Variants in TRUB1 observed in about 807,000 individuals in gnomAD.
TRUB1 encodes pseudouridylate synthase TRUB1.
In TRUB1, 23 loss-of-function variants were observed where a neutral mutation model predicts 33.9. That is an observed-to-expected ratio of 0.68 (90% CI 0.49 to 0.96). TRUB1 has a LOEUF of 0.96. Among genes scored for constraint, TRUB1 ranks in the 40% least tolerant of loss-of-function variants. The pLI is 0.00. For missense variants in TRUB1, 378 were observed against 422.2 expected (o/e 0.90, Z 0.92); for synonymous variants, 163 against 165.4 (o/e 0.99, Z 0.11).
chr10:114,965,478 T>C (rs1294048872), intron 4 of TRUB1, among the ~76,000 whole-genome samples: 1 of 152,176 alleles, frequency 6.6e-6, no homozygotes, highest in East Asian at 1.9e-4. Flanking sequence ...ATATTTAGTT[T>C]AGGATTTTTG....
chr10:114,975,158 C>G lies in TRUB1; in HGVS notation c.829C>G (p.Arg277Gly), dbSNP rs143535613. ...SSCANVLELT[R>G]TKQGPFTLEE... ...CTGTGCCAATGTGCTAGAGCTGACCCGAACCAAACAGGGACCATTTACGCT... is the reference window on the plus strand; with the variant it reads ...CTGTGCCAATGTGCTAGAGCTGACCGGAACCAAACAGGGACCATTTACGCT... The change falls in exon 8 of 8, where the codon CGA becomes GGA. Residue 277 changes from arginine to glycine, a missense_variant. Arg to Gly is a moderately radical substitution (Grantham distance 125, BLOSUM62 -2). Coordinates refer to ENST00000298746, the MANE Select transcript of TRUB1 (RefSeq NM_139169.5). 6.2e-7 allele frequency: 1 copy of G among 1,613,312 alleles called. No individual in the cohort carries two copies.
intron 2 of TRUB1, among the ~76,000 whole-genome samples, chr10:114,944,855 C>T (rs1289233524): frequency 6.6e-6 from 1 of 151,762 alleles, no homozygotes; most frequent in Non-Finnish European, 1.5e-5. Flanking sequence ...TGTGGTGACA[C>T]ATACCTATAG....
Position 114,970,381 on chromosome 10 carries a change from A to G in TRUB1, c.537A>G (p.Gln179=). Residue 179 remains glutamine, a synonymous_variant, in exon 5 of 8, where the codon CAA becomes CAG. Transcript: ENST00000298746. ...GATTTTTGGCAGATAAAATAACACA[A>G]GAAGATATTGAAGGCATTCTACAGA... ...TEEKPYDKIT[Q]EDIEGILQKF... is the part of the protein sequence containing the mutation. The G allele has an allele frequency of 6.2e-7, 1 of 1,611,720 alleles. No individual in the cohort carries two copies.
At chr10:114,962,002 G>A (rs1324028065) in intron 4 of TRUB1, among the ~76,000 whole-genome samples, 2 of 152,178 alleles carry the variant, frequency 1.3e-5, no homozygotes, top group Non-Finnish European at 2.9e-5. Flanking sequence ...TCAATATGAT[G>A]TAGTAAATGG....
At chr10:114,957,979 A>G (rs1250097714) in intron 3 of TRUB1, among the ~76,000 whole-genome samples, 2 of 152,238 alleles carry the variant, frequency 1.3e-5, no homozygotes, top group Admixed American at 6.5e-5. Flanking sequence ...GAAAATAAAG[A>G]TGATGATGGT....
In TRUB1 at chr10:114,943,954, G is replaced by T. The variant is rs183231605; in HGVS notation, c.385+1211G>T. Among the ~76,000 whole-genome samples, 209 of 148,926 alleles carry T rather than the reference G, an allele frequency of 1.4e-3. 2 individuals are homozygous for T. The highest frequency in any genetic ancestry group is 8.1e-3 in the South Asian group (37 of 4,574). On this transcript the variant is annotated intron_variant, in intron 2 of 7. Transcript: ENST00000298746. ...TATTGCTTGTGAAGGAAAATTGGTA[G>T]AATTGATCGAAGGGAATAAAAATAT...
In TRUB1 at chr10:114,942,682, A is replaced by G; in HGVS notation, c.324A>G (p.Lys108=). Residue 108 remains lysine, a synonymous_variant, in exon 2 of 8, where the codon AAA becomes AAG. Coordinates refer to ENST00000298746, the MANE Select transcript of TRUB1 (RefSeq NM_139169.5). The part of the protein sequence containing the change: ...GMPSPEWTKR[K]KQTLKIGHGG... Reference sequence around the variant, plus strand: ...CTTCTCCAGAATGGACCAAGAGGAAAAAGCAGACTTTGAAAATTGGGCATG... The same window carrying G: ...CTTCTCCAGAATGGACCAAGAGGAAGAAGCAGACTTTGAAAATTGGGCATG... The G allele has an allele frequency of 6.2e-7, 1 of 1,614,130 alleles. No individual in the cohort carries two copies. Among genetic ancestry groups the G allele is most frequent in the Non-Finnish European group, 8.5e-7 (1 of 1,179,992 alleles).
Position 114,938,520 on chromosome 10 carries a change from G to T in TRUB1, c.267G>T (p.Leu89Phe). 6.5e-6 allele frequency: 10 copies of T among 1,545,094 alleles called. No individual in the cohort carries two copies. The highest frequency in any genetic ancestry group is 7.8e-6 in the Non-Finnish European group (9 of 1,149,030). Residue 89 changes from leucine to phenylalanine, a missense_variant, in exon 1 of 8, where the codon TTG (leucine) becomes TTT (phenylalanine). Transcript: ENST00000298746. The stretch of plus-strand genomic sequence containing the variant: ...CTTCAGCCGAGCTGCTGAATCGGTT[G>T]AAGGAGAAGCTGCTGGCAGGTACTG... ...GPTSAELLNRLKEKLLAEAGM... is the reference protein window; with the variant it reads ...GPTSAELLNRFKEKLLAEAGM...
Position 114,976,053 on chromosome 10 carries a change from GAGC to G in TRUB1, c.*677_*679del, listed in dbSNP as rs1446651509. 2.6e-5 allele frequency: 4 copies of G among 152,488 alleles called. No individual in the cohort carries two copies. The highest frequency in any genetic ancestry group is 6.6e-5 in the Admixed American group (1 of 15,258). The allele number at this position is 152,488 out of a possible 1,614,324, so 9.4% of individuals were successfully genotyped here. On this transcript the variant is annotated 3_prime_UTR_variant, in exon 8 of 8. Transcript: ENST00000298746. Reference sequence around the variant, plus strand: ...AATTAAAGTCACCTTCCTACCATTAGAGCAGAAGACAGCTCCTATAGTTTTGTA... The same window carrying G: ...AATTAAAGTCACCTTCCTACCATTAGAGAAGACAGCTCCTATAGTTTTGTA...
At chr10:114,949,760 G>A (rs1300239459) in intron 2 of TRUB1, among the ~76,000 whole-genome samples, 1 of 152,106 alleles carries the variant, frequency 6.6e-6, no homozygotes, top group Non-Finnish European at 1.5e-5. Context: ...TGGAAAGGAA[G>A]GGGGGTCTGT....
intron 5 of TRUB1, among the ~76,000 whole-genome samples, chr10:114,970,752 C>T (rs2084333159): frequency 6.6e-6 from 1 of 152,182 alleles, no homozygotes; most frequent in African/African-American, 2.4e-5. Flanking sequence ...GTCTCTTTTC[C>T]TAGAACTGTT....
chr10:114,961,350 T>A (rs1178928078), intron 4 of TRUB1, among the ~76,000 whole-genome samples: 1 of 152,114 alleles, frequency 6.6e-6, no homozygotes, highest in Non-Finnish European at 1.5e-5. Flanking sequence ...GATTTTTAGT[T>A]GATTGGACAG....
chr10:114,969,186 C>T (rs1249833542), intron 4 of TRUB1, among the ~76,000 whole-genome samples: 1 of 149,800 alleles, frequency 6.7e-6, no homozygotes, highest in Non-Finnish European at 1.5e-5. Flanking sequence ...AATCCCAGCA[C>T]TTTGGGAGGC....
At position 114,977,619 on chromosome 10, in the gene TRUB1, G is replaced by A. The variant is rs2084367494; in HGVS notation, c.*2240G>A. ...CAAAGTTTTTCTGATTTGCTTTTAT[G>A]TGATTTATCTGTATACTTTGTTCAT... is the stretch of plus-strand genomic sequence containing the variant. On this transcript the variant is annotated 3_prime_UTR_variant, in exon 8 of 8. Transcript: ENST00000298746. The A allele has an allele frequency of 6.6e-6, 1 of 151,898 alleles. No individual in the cohort carries two copies. The highest frequency in any genetic ancestry group is 1.5e-5 in the Non-Finnish European group (1 of 67,872). 9.4% of individuals were successfully genotyped at this position (151,898 alleles called of 1,614,324 possible). A position where few individuals can be genotyped will look rare whatever the true frequency, so the allele number is the denominator to read the frequency against.
chr10:114,971,620 G>A (rs2084337168), intron 5 of TRUB1, among the ~76,000 whole-genome samples: 1 of 151,976 alleles, frequency 6.6e-6, no homozygotes, highest in African/African-American at 2.4e-5. Context: ...ATTATTGCAA[G>A]GATTTTGTTT....
intron 4 of TRUB1, among the ~76,000 whole-genome samples, chr10:114,964,807 T>C (rs2084299938): frequency 1.3e-5 from 2 of 152,206 alleles, no homozygotes; most frequent in Admixed American, 1.3e-4. Context: ...TTTTTTTACA[T>C]TGATCAGTTT....
chr10:114,965,684 T>C (rs976564271), intron 4 of TRUB1, among the ~76,000 whole-genome samples: 1 of 152,212 alleles, frequency 6.6e-6, no homozygotes, highest in African/African-American at 2.4e-5. Flanking sequence ...ACATCTGTTC[T>C]TGAGTTTTCT....
rs372005179 is a variant in TRUB1, at chr10:114,972,285, G to A, written c.736+11G>A. 1.9e-5 allele frequency: 30 copies of A among 1,586,746 alleles called. No individual in the cohort carries two copies. The highest frequency in any genetic ancestry group is 2.4e-5 in the Non-Finnish European group (28 of 1,172,716). On this transcript the variant is annotated intron_variant, in intron 6 of 7. Coordinates refer to ENST00000298746, the MANE Select transcript of TRUB1 (RefSeq NM_139169.5). The stretch of plus-strand genomic sequence containing the variant: ...CATTTTTCACATTAGGTAAGATGGA[G>A]AAATTTGAAATCATTTGTATTTACG...
chr10:114,954,731 G>C (rs1240196942), intron 3 of TRUB1, among the ~76,000 whole-genome samples: 1 of 151,688 alleles, frequency 6.6e-6, no homozygotes, highest in Non-Finnish European at 1.5e-5. Flanking sequence ...ACAGTGCCTT[G>C]TGTATGGAAA....
Sources: gnomAD v4.1 joint callset for allele counts (sites outside exome capture counted in the v4.1 genomes callset) on GRCh38, gnomAD v4.1.1 for gene constraint, MANE v1.5 for transcripts, NCBI Gene and HGNC (gene_info 2026-07-23, HGNC 2026-07-21) for gene names.